The following DMD variants were observed in gnomAD, a reference collection of about 807,000 sequenced individuals.
DMD encodes the protein mutant dystrophin.
DMD carries 63 observed loss-of-function variants against 330.1 expected under a neutral mutation model. That is an observed-to-expected ratio of 0.19 (90% CI 0.16 to 0.24). DMD has a LOEUF of 0.24. DMD is among the 10% of genes least tolerant of loss of function. DMD has a pLI of 1.00. For synonymous variants in DMD, 1,223 were observed against 959.8 expected, an observed-to-expected ratio of 1.27 and a Z score of -5.07; for missense variants, 3,344 against 2,684.1, an observed-to-expected ratio of 1.25 and a Z score of -5.43.
intron 52 of DMD, among the ~76,000 whole-genome samples, chrX:31,723,754 C>T (rs1462358096): frequency 2.7e-5 from 3 of 109,710 alleles, no homozygotes; most frequent in Non-Finnish European, 5.7e-5. Flanking sequence ...AATACCCTTC[C>T]CTCTCCAGCT....
chrX:31,241,590 C>A (rs1048588914), intron 63 of DMD, among the ~76,000 whole-genome samples: 1 of 111,638 alleles, frequency 9.0e-6, no homozygotes, highest in East Asian at 2.8e-4. Context: ...ACCACGCCTT[C>A]AAATTTTGAA....
intron 13 of DMD, among the ~76,000 whole-genome samples, chrX:32,592,855 C>G (rs977163738): frequency 3.6e-5 from 4 of 112,452 alleles, no homozygotes; most frequent in Admixed American, 9.4e-5. Flanking sequence ...CCACCGCGAT[C>G]CCCTGTCCAG....
chrX:31,328,765 T>C (rs1484758014), intron 61 of DMD, among the ~76,000 whole-genome samples: 9 of 112,330 alleles, frequency 8.0e-5, no homozygotes, highest in Non-Finnish European at 3.8e-5. Context: ...TTGTAAAATG[T>C]TAATCACCAC....
chrX:31,545,782 A>G (rs1332944950), intron 55 of DMD, among the ~76,000 whole-genome samples: 1 of 111,383 alleles, frequency 9.0e-6, no homozygotes, highest in Non-Finnish European at 1.9e-5. Flanking sequence ...CAGGAGCTGG[A>G]CCCTCCACTA....
intron 12 of DMD, among the ~76,000 whole-genome samples, chrX:32,608,415 A>G (rs747873579): frequency 9.1e-6 from 1 of 110,308 alleles, no homozygotes; most frequent in East Asian, 2.8e-4. Flanking sequence ...TAATACTACC[A>G]CTCAAACCAA....
chrX:32,100,515 GT>G (rs2096534904), intron 44 of DMD, among the ~76,000 whole-genome samples: 1 of 109,885 alleles, frequency 9.1e-6, no homozygotes, highest in East Asian at 2.9e-4. Context: ...CTCCACAATT[GT>G]TTTTTAGATT....
chrX:32,970,035 C>A (rs1193932397), intron 2 of DMD, among the ~76,000 whole-genome samples: 2 of 94,828 alleles, frequency 2.1e-5, no homozygotes, highest in Non-Finnish European at 4.0e-5. Context: ...TTGTGTTACT[C>A]CATAGTCAAT....
intron 9 of DMD, among the ~76,000 whole-genome samples, chrX:32,663,873 G>C (rs776917545): frequency 2.1e-4 from 24 of 111,767 alleles, no homozygotes; most frequent in African/African-American, 6.5e-4. Flanking sequence ...GTTCCAGGTA[G>C]AGGCATCTAT....
At chrX:33,328,517 T>A (rs2054123057) in intron 1 of DMD, among the ~76,000 whole-genome samples, 1 of 111,423 alleles carries the variant, frequency 9.0e-6, no homozygotes, top group East Asian at 2.8e-4. Context: ...AAATATTGCA[T>A]GGCCATGCTA....
intron 9 of DMD, among the ~76,000 whole-genome samples, chrX:32,664,934 A>G (rs1454783523): frequency 1.8e-5 from 2 of 111,829 alleles, no homozygotes; most frequent in East Asian, 5.7e-4. Context: ...AAGAACCAGC[A>G]AATTAAAATC....
intron 16 of DMD, among the ~76,000 whole-genome samples, chrX:32,554,577 G>T (rs1442993308): frequency 1.8e-5 from 2 of 109,071 alleles, no homozygotes; most frequent in Non-Finnish European, 3.8e-5. Context: ...TAAAGGAAAT[G>T]AATTGCTGAA....
intron 2 of DMD, among the ~76,000 whole-genome samples, chrX:32,965,043 A>C (rs1569546225): frequency 9.2e-6 from 1 of 108,370 alleles, no homozygotes; most frequent in Non-Finnish European, 1.9e-5. Context: ...CCTAGACAAA[A>C]GGTCCTGTTT....
intron 29 of DMD, among the ~76,000 whole-genome samples, chrX:32,432,033 G>T (rs2098240414): frequency 1.8e-5 from 2 of 111,718 alleles, no homozygotes; most frequent in African/African-American, 6.5e-5. Context: ...CACTTGTTTG[G>T]ATATTTCTTT....
intron 6 of DMD, among the ~76,000 whole-genome samples, chrX:32,815,988 C>A (rs1038545425): frequency 4.5e-5 from 5 of 111,312 alleles, no homozygotes; most frequent in African/African-American, 1.6e-4. Context: ...TGTTTGATAT[C>A]AAAGTGTGTA....
chrX:31,373,207 G>A (rs1192737078), intron 60 of DMD, among the ~76,000 whole-genome samples: 8 of 106,053 alleles, frequency 7.5e-5, no homozygotes, highest in African/African-American at 2.8e-4. Flanking sequence ...ATGCTCATGG[G>A]TAGGAAGAAT....
At chrX:31,613,862 A>G (rs1164984820) in intron 55 of DMD, among the ~76,000 whole-genome samples, 1 of 111,873 alleles carries the variant, frequency 8.9e-6, no homozygotes, top group Non-Finnish European at 1.9e-5. Context: ...GCTCTTCTTA[A>G]AAGTCACATT....
intron 9 of DMD, among the ~76,000 whole-genome samples, chrX:32,693,552 G>T (rs187871605): frequency 2.7e-5 from 3 of 111,558 alleles, no homozygotes; most frequent in Non-Finnish European, 5.6e-5. Flanking sequence ...CAATCCTCAT[G>T]CCTCAGCTTC....
rs943458912 is a variant in DMD at position 31,985,083 on chromosome X, G to C, written c.6439-16569C>G. Among the ~76,000 whole-genome samples, 4 of 111,863 alleles carry C rather than the reference G, an allele frequency of 3.6e-5. 1 individual carries two copies. In the Admixed American group the frequency reaches 3.8e-4, roughly 11 times the overall value. ...CCATAGAATTAGAAACAATGTAAAAGAATAGACCTGGTAATAATAACTATA... is the reference window on the plus strand; with the variant it reads ...CCATAGAATTAGAAACAATGTAAAACAATAGACCTGGTAATAATAACTATA... On this transcript the variant is annotated intron_variant, in intron 44 of 78. Transcript: ENST00000357033.
intron 67 of DMD, among the ~76,000 whole-genome samples, chrX:31,187,358 C>G (rs2041867529): frequency 8.9e-6 from 1 of 112,165 alleles, no homozygotes; most frequent in South Asian, 3.7e-4. Context: ...CTTTTTACTT[C>G]TTCTTCATAT....
Sources: allele counts gnomAD v4.1 joint callset (sites outside exome capture counted in the v4.1 genomes callset), GRCh38; gene constraint gnomAD v4.1.1; transcripts MANE v1.5; gene names NCBI Gene and HGNC (gene_info 2026-07-23, HGNC 2026-07-21).